RRM2: variants seen among roughly 807,000 people sequenced by gnomAD.
The protein encoded by RRM2 is ribonucleotide reductase regulatory subunit M2.
Under a neutral mutation model 45.9 loss-of-function variants are expected in RRM2, and 6 were observed. The ratio of observed to expected loss-of-function variants is 0.13; its 90% CI spans 0.07 to 0.26. The LOEUF (loss-of-function observed/expected upper bound fraction) is 0.26. RRM2 is among the 10% of genes least tolerant of loss of function. The probability of loss-of-function intolerance (pLI) is 1.00; values close to 1 mark genes in which losing one functional copy is unlikely to be tolerated. For synonymous variants in RRM2, 177 were observed against 173.0 expected, an observed-to-expected ratio of 1.02 and a Z score of -0.18; for missense variants, 343 against 489.5, an observed-to-expected ratio of 0.70 and a Z score of 2.82.
intron 3 of RRM2, among the ~76,000 whole-genome samples, chr2:10,170,046 G>C (rs949915534): frequency 5.3e-5 from 8 of 152,196 alleles, no homozygotes; most frequent in African/African-American, 1.4e-4. Context: ...GGCAGCATGG[G>C]AGGCCCCCGG....
chr2:10,168,379 G>C (rs1394409374), intron 3 of RRM2, among the ~76,000 whole-genome samples: 1 of 152,088 alleles, frequency 6.6e-6, no homozygotes, highest in South Asian at 2.1e-4. Context: ...CATCCTGGCA[G>C]GGCTTCCCCT....
At chr2:10,157,016 C>CTTAT (rs1663440927) in intron 3 of RRM2, among the ~76,000 whole-genome samples, 1 of 85,926 alleles carries the variant, frequency 1.2e-5, no homozygotes, top group Non-Finnish European at 2.1e-5. Context: ...CAGCCCATTT[C>CTTAT]TTTTTTTTTT....
At chr2:10,156,716 G>A (rs1663433436) in intron 3 of RRM2, among the ~76,000 whole-genome samples, 1 of 152,240 alleles carries the variant, frequency 6.6e-6, no homozygotes, top group Non-Finnish European at 1.5e-5. Flanking sequence ...TCAGCTCCCT[G>A]TAACTTCCGC....
chr2:10,158,065 C>T (rs565726641), intron 3 of RRM2, among the ~76,000 whole-genome samples: 4 of 152,184 alleles, frequency 2.6e-5, no homozygotes, highest in Non-Finnish European at 5.9e-5. Flanking sequence ...GTGTCAAACA[C>T]CTCTGGTCAT....
At position 10,161,259 on chromosome 2, in the gene RRM2, G is replaced by A. The variant is rs907639486; in HGVS notation, n.482+18884G>A. Reference sequence around the variant, plus strand: ...TTTTTGGTAGAGACAGGGTTTCCTCGTGTTGCCCAGGCTGGTCTTGAACTC... The same window carrying A: ...TTTTTGGTAGAGACAGGGTTTCCTCATGTTGCCCAGGCTGGTCTTGAACTC... On this transcript the variant is annotated intron_variant and non_coding_transcript_variant, in intron 3 of 3. Transcript: ENST00000381786. Among the ~76,000 whole-genome samples the A allele has an allele frequency of 1.2e-4, 19 of 152,024 alleles. 1 individual carries two copies. The highest frequency in any genetic ancestry group is 3.4e-4 in the African/African-American group (14 of 41,388).
chr2:10,193,531 G>A (rs908501283), intron 3 of RRM2, among the ~76,000 whole-genome samples: 2 of 152,228 alleles, frequency 1.3e-5, no homozygotes, highest in South Asian at 2.1e-4. Context: ...GATGCCAGCC[G>A]AGCGCGCCTG....
Position 10,162,398 on chromosome 2 carries a change from CAG to C in RRM2, n.482+20027_482+20028del, listed in dbSNP as rs376178110. 2.0e-4 allele frequency among the ~76,000 whole-genome samples: 31 copies of C among 152,244 alleles called. No individual in the cohort carries two copies. The South Asian group carries it at 5.8e-3, about 29-fold the overall frequency. ...TAGTCATGAGCGCTGGCCCAGGAAT[CAG>C]AGACGGGGATGAGTCTCAGCTCTGC... On this transcript the variant is annotated intron_variant and non_coding_transcript_variant, in intron 3 of 3. Transcript: ENST00000381786.
chr2:10,179,768 C>T (rs911957511), intron 3 of RRM2, among the ~76,000 whole-genome samples: 2 of 152,130 alleles, frequency 1.3e-5, no homozygotes, highest in Non-Finnish European at 2.9e-5. Context: ...GTCAAAAAAT[C>T]CTGAGTTGAA....
chr2:10,122,694 G>A (rs1228458905), upstream of RRM2: 3 of 1,550,840 alleles, frequency 1.9e-6, no homozygotes, highest in East Asian at 2.4e-5. Flanking sequence ...GGCCGGGAGC[G>A]CGCGGCGCGG....
chr2:10,171,692 GGA>G lies in RRM2; in HGVS notation n.482+29319_482+29320del, dbSNP rs1663810882. On this transcript the variant is annotated intron_variant and non_coding_transcript_variant, in intron 3 of 3. Coordinates refer to the RRM2 transcript ENST00000381786. The surrounding 1 kb of genome is among the most constrained non-coding windows in gnomAD (Gnocchi z 4.1). ...TGCCACCCCAGGACCCCTGGCATAG[GGA>G]GCCGAGCAGGGCAGCCGGGCAGAGG... is the stretch of plus-strand genomic sequence containing the variant. Among the ~76,000 whole-genome samples the G allele has an allele frequency of 6.6e-6, 1 of 152,206 alleles. No individual in the cohort carries two copies. The highest frequency in any genetic ancestry group is 1.5e-5 in the Non-Finnish European group (1 of 68,040).
rs1662869969 is a variant in RRM2, at chr2:10,130,263, G to C, written c.*877G>C. On this transcript the variant is annotated 3_prime_UTR_variant, in exon 10 of 10. Transcript: ENST00000304567. ...AAATTCTTGAAGAGTTTTCATATGT[G>C]GGAGCTAAGGTAGTATTGTAAAATT... is the stretch of plus-strand genomic sequence containing the variant. 6.6e-6 allele frequency: 1 copy of C among 152,178 alleles called. No homozygotes were observed. Among genetic ancestry groups the C allele is most frequent in the Non-Finnish European group, 1.5e-5 (1 of 68,030 alleles). 9.4% of individuals were successfully genotyped at this position (152,178 alleles called of 1,614,324 possible).
At chr2:10,167,261 T>G (rs1663701798) in intron 3 of RRM2, among the ~76,000 whole-genome samples, 1 of 152,076 alleles carries the variant, frequency 6.6e-6, no homozygotes, top group African/African-American at 2.4e-5. Context: ...ATTGAACCAA[T>G]CAAGGAATGA....
At chr2:10,123,100 G>A (rs1662699893) in intron 2 of RRM2, 43 bp downstream of exon 2, 1 of 1,514,462 alleles carries the variant, frequency 6.6e-7, no homozygotes, top group African/African-American at 1.4e-5. Context: ...GACGGCCTTG[G>A]GCGTCTTGGC....
At chr2:10,137,434 CTG>C (rs777764007), upstream of RRM2, among the ~76,000 whole-genome samples, 7 of 152,230 alleles carry the variant, frequency 4.6e-5, no homozygotes, top group Non-Finnish European at 8.8e-5. Context: ...GGTCATTACA[CTG>C]TGGTAGTGGG....
At chr2:10,186,757 A>G (rs561096326) in intron 3 of RRM2, among the ~76,000 whole-genome samples, 1 of 152,294 alleles carries the variant, frequency 6.6e-6, no homozygotes, top group East Asian at 1.9e-4. Context: ...CTTACCACTT[A>G]TTACTTACCA....
At chr2:10,174,477 C>T (rs1208453013) in intron 3 of RRM2, among the ~76,000 whole-genome samples, 1 of 151,434 alleles carries the variant, frequency 6.6e-6, no homozygotes, top group African/African-American at 2.4e-5. Context: ...CACAAGCGAG[C>T]GCCTATGGGG....
chr2:10,191,495 T>C (rs1664305301), intron 3 of RRM2, among the ~76,000 whole-genome samples: 1 of 152,150 alleles, frequency 6.6e-6, no homozygotes, highest in East Asian at 1.9e-4. Context: ...AGAGAGGCTG[T>C]GCCTGTGAGC....
At chr2:10,197,444 GCCT>G (rs920671027) in intron 3 of RRM2, among the ~76,000 whole-genome samples, 9 of 152,166 alleles carry the variant, frequency 5.9e-5, no homozygotes, top group African/African-American at 2.2e-4. Context: ...GGGACAGATG[GCCT>G]CCTGCCCTGC....
chr2:10,190,665 GTGA>G (rs549104658), intron 3 of RRM2, among the ~76,000 whole-genome samples: 45 of 147,664 alleles, frequency 3.0e-4, no homozygotes, highest in African/African-American at 1.1e-3. Flanking sequence ...GGTGATGAGT[GTGA>G]TGATAATGGT....
Sources: allele counts gnomAD v4.1 joint callset (sites outside exome capture counted in the v4.1 genomes callset), GRCh38; gene constraint gnomAD v4.1.1; non-coding constraint Gnocchi (gnomAD v3.1); transcripts MANE v1.5; gene names NCBI Gene and HGNC (gene_info 2026-07-23, HGNC 2026-07-21).